Variants in CSGALNACT1 observed in about 807,000 individuals in gnomAD.
CSGALNACT1 encodes beta4GalNAcT-1.
CSGALNACT1 carries 52 observed loss-of-function variants against 51.0 expected under a neutral mutation model. That is an observed-to-expected ratio of 1.02 (90% CI 0.82 to 1.29). The LOEUF (loss-of-function observed/expected upper bound fraction) is 1.29, where lower values mean the gene tolerates loss of function less well. CSGALNACT1 is among the 50% of genes most tolerant of loss of function. The probability of loss-of-function intolerance (pLI) is 0.00; values close to 1 mark genes in which losing one functional copy is unlikely to be tolerated. For synonymous variants in CSGALNACT1, 341 were observed against 254.4 expected (o/e 1.34, Z -3.24); for missense variants, 935 against 679.2 (o/e 1.38, Z -4.19).
intron 1 of CSGALNACT1, among the ~76,000 whole-genome samples, chr8:19,697,541 A>G (rs1324727779): frequency 1.3e-5 from 2 of 152,190 alleles, no homozygotes; most frequent in East Asian, 3.9e-4. Flanking sequence ...CTAAAACAGA[A>G]GAAAAGCAAG....
intron 1 of CSGALNACT1, among the ~76,000 whole-genome samples, chr8:19,662,905 A>G (rs1363753564): frequency 6.6e-6 from 1 of 152,130 alleles, no homozygotes; most frequent in Non-Finnish European, 1.5e-5. Context: ...AACCACTCCC[A>G]TGAAACAATG....
chr8:19,475,120 G>A (rs563525123), intron 4 of CSGALNACT1, among the ~76,000 whole-genome samples: 1 of 152,228 alleles, frequency 6.6e-6, no homozygotes, highest in African/African-American at 2.4e-5. Context: ...AGAAGGAGGA[G>A]CTGTAGAGCA....
At chr8:19,732,981 GA>G (rs2063772180) in intron 1 of CSGALNACT1, among the ~76,000 whole-genome samples, 1 of 152,142 alleles carries the variant, frequency 6.6e-6, no homozygotes, top group Non-Finnish European at 1.5e-5. Flanking sequence ...TATAAATGGT[GA>G]AAAATGGAGT....
chr8:19,664,229 A>C (rs1036562694), intron 1 of CSGALNACT1, among the ~76,000 whole-genome samples: 2 of 152,242 alleles, frequency 1.3e-5, no homozygotes, highest in African/African-American at 4.8e-5. Context: ...AGACATTACT[A>C]GTTTTACAGG....
chr8:19,545,881 C>G (rs2086350925), intron 3 of CSGALNACT1, among the ~76,000 whole-genome samples: 1 of 148,168 alleles, frequency 6.7e-6, no homozygotes, highest in Admixed American at 6.8e-5. Flanking sequence ...AAGTTATATG[C>G]TATATGTGTA....
rs111983307 is a variant in CSGALNACT1, at chr8:19,474,578, C to T, written c.635-15936G>A. Among the ~76,000 whole-genome samples the T allele has an allele frequency of 5.3e-3, 800 of 152,078 alleles. 12 individuals are homozygous for T. The highest frequency in any genetic ancestry group is 0.018 in the African/African-American group (756 of 41,530). ...ATTCACTCAAGGACCCATCAATAAG[C>T]ACCTTCCGGCCAGGTGTGGTGGCTC... is the stretch of plus-strand genomic sequence containing the variant. On this transcript the variant is annotated intron_variant, in intron 4 of 9. Coordinates refer to ENST00000454498, the Ensembl canonical transcript of CSGALNACT1.
chr8:19,622,691 C>T (rs1208101965), intron 1 of CSGALNACT1, among the ~76,000 whole-genome samples: 1 of 152,110 alleles, frequency 6.6e-6, no homozygotes, highest in East Asian at 1.9e-4. Flanking sequence ...AAGATAAATA[C>T]ACACTCTCTA....
In CSGALNACT1 at chr8:19,411,013, C is replaced by T. The variant is rs185261396; in HGVS notation, c.1228-2319G>A. ...TGAAGCCCTGCAAGGGTTCCCTAAT[C>T]GTCAGCCATCTCATTTCTTCTTATC... is the stretch of plus-strand genomic sequence containing the variant. On this transcript the variant is annotated intron_variant, in intron 8 of 9. Coordinates refer to ENST00000454498, the Ensembl canonical transcript of CSGALNACT1. Among the ~76,000 whole-genome samples, 646 of 152,304 alleles carry T rather than the reference C, an allele frequency of 4.2e-3. 4 individuals carry two copies. Among genetic ancestry groups the T allele is most frequent in the African/African-American group, 0.014 (598 of 41,562 alleles).
chr8:19,644,536 C>T (rs1427354972), intron 1 of CSGALNACT1, among the ~76,000 whole-genome samples: 2 of 150,706 alleles, frequency 1.3e-5, no homozygotes, highest in Middle Eastern at 3.2e-3. Context: ...ATGGTAAAAC[C>T]CCATCTCTAC....
At chr8:19,429,659 G>C (rs1201146563) in intron 6 of CSGALNACT1, among the ~76,000 whole-genome samples, 4 of 152,144 alleles carry the variant, frequency 2.6e-5, no homozygotes, top group Non-Finnish European at 5.9e-5. Flanking sequence ...CTACCTTTTG[G>C]ATATTGTGAA....
intron 3 of CSGALNACT1, among the ~76,000 whole-genome samples, chr8:19,536,061 T>A (rs776997855): frequency 6.6e-6 from 1 of 152,170 alleles, no homozygotes; most frequent in Non-Finnish European, 1.5e-5. Flanking sequence ...ATGATCTATA[T>A]AGGCAATGCC....
chr8:19,605,608 G>A (rs1034346986), upstream of CSGALNACT1, among the ~76,000 whole-genome samples: 3 of 152,110 alleles, frequency 2.0e-5, no homozygotes, highest in South Asian at 6.2e-4. Context: ...GTCAGTTACA[G>A]TAAGAACCGA....
intron 4 of CSGALNACT1, among the ~76,000 whole-genome samples, chr8:19,462,311 C>T (rs1016583004): frequency 2.6e-5 from 4 of 151,932 alleles, no homozygotes; most frequent in South Asian, 2.1e-4. Flanking sequence ...GACAGTTTAA[C>T]GTACAGATAA....
In CSGALNACT1 at chr8:19,600,872, A is replaced by T. The variant is rs116525706; in HGVS notation, c.-416+899T>A. 6.3e-3 allele frequency among the ~76,000 whole-genome samples: 961 copies of T among 151,362 alleles called. 14 individuals carry two copies. Among genetic ancestry groups the T allele is most frequent in the African/African-American group, 0.022 (913 of 41,312 alleles). The stretch of plus-strand genomic sequence containing the variant: ...AACCATCAAGCAAACCTCTATAGAC[A>T]TTTGTTAAATGAAGGAGGAAGGTGA... On this transcript the variant is annotated intron_variant, in intron 2 of 9. Transcript: ENST00000454498.
intron 1 of CSGALNACT1, among the ~76,000 whole-genome samples, chr8:19,695,579 T>G (rs1420044643): frequency 2.0e-5 from 3 of 152,198 alleles, no homozygotes; most frequent in Admixed American, 6.5e-5. Flanking sequence ...AAAGTAAAAT[T>G]AAAGCATGAT....
At chr8:19,482,499 A>G (rs1293496721) in intron 4 of CSGALNACT1, among the ~76,000 whole-genome samples, 1 of 151,986 alleles carries the variant, frequency 6.6e-6, no homozygotes, top group African/African-American at 2.4e-5. Flanking sequence ...GATCCTGTAA[A>G]TTCTTATCTC....
chr8:19,584,397 T>A (rs572754225), intron 3 of CSGALNACT1, among the ~76,000 whole-genome samples: 1 of 151,880 alleles, frequency 6.6e-6, no homozygotes, highest in African/African-American at 2.4e-5. Flanking sequence ...GCTGAAATAT[T>A]TTTTTTTGAC....
intron 1 of CSGALNACT1, among the ~76,000 whole-genome samples, chr8:19,674,684 T>C (rs2060041142): frequency 6.6e-6 from 1 of 152,040 alleles, no homozygotes; most frequent in Non-Finnish European, 1.5e-5. Context: ...AGAATCTAAC[T>C]TACCTTCTAA....
rs372924056 is a variant in CSGALNACT1, at chr8:19,666,883, AAG to A, written c.-544+15588_-544+15589del. ...AAAGAAAGAAAGAAAGAAAGAAAGAAAGAGAGAGAGGAAGTGAGGAAGGGAGG... is the reference window on the plus strand; with the variant it reads ...AAAGAAAGAAAGAAAGAAAGAAAGAAAGAGAGAGGAAGTGAGGAAGGGAGG... On this transcript the variant is annotated intron_variant, in intron 1 of 9. Transcript: ENST00000332246. Among the ~76,000 whole-genome samples, 25 of 97,372 alleles carry A rather than the reference AAG, an allele frequency of 2.6e-4. 3 individuals carry two copies. Among genetic ancestry groups the A allele is most frequent in the South Asian group, 2.3e-3 (6 of 2,650 alleles). 63.9% of individuals were successfully genotyped at this position (97,372 alleles called of 152,430 possible).
Sources: allele counts gnomAD v4.1 joint callset (sites outside exome capture counted in the v4.1 genomes callset), GRCh38; gene constraint gnomAD v4.1.1; transcripts MANE v1.5; gene names NCBI Gene and HGNC (gene_info 2026-07-23, HGNC 2026-07-21).